Variants in ITPKB observed in about 807,000 individuals in gnomAD.
ITPKB encodes IP3 3-kinase B.
In ITPKB, 13 loss-of-function variants were observed where a neutral mutation model predicts 69.4. The ratio of observed to expected loss-of-function variants is 0.19; its 90% confidence interval spans 0.12 to 0.30. The LOEUF is 0.30. ITPKB is among the 10% of genes least tolerant of loss of function. The pLI, the probability that ITPKB is intolerant of heterozygous loss-of-function variation, is 1.00. For missense variants in ITPKB, 1,240 were observed against 1,250.5 expected (o/e 0.99, Z 0.13); for synonymous variants, 584 against 513.7 (o/e 1.14, Z -1.85).
intron 2 of ITPKB, among the ~76,000 whole-genome samples, chr1:226,718,568 C>G (rs1430281423): frequency 6.6e-6 from 1 of 152,120 alleles, no homozygotes; most frequent in African/African-American, 2.4e-5. Flanking sequence ...CCCCTGCACC[C>G]CAACCCGGGC....
chr1:226,670,286 G>A (rs565892147), intron 2 of ITPKB, among the ~76,000 whole-genome samples: 2 of 148,796 alleles, frequency 1.3e-5, no homozygotes, highest in East Asian at 4.0e-4. Context: ...GCATCCCCAA[G>A]ACACATGACC....
chr1:226,711,529 C>A (rs1454876426), intron 2 of ITPKB, among the ~76,000 whole-genome samples: 1 of 151,794 alleles, frequency 6.6e-6, no homozygotes, highest in Admixed American at 6.6e-5. Flanking sequence ...TGCTCAGTGA[C>A]CTTCAGTGTG....
intron 2 of ITPKB, among the ~76,000 whole-genome samples, chr1:226,669,641 A>T (rs2102765073): frequency 6.6e-6 from 1 of 152,320 alleles, no homozygotes; most frequent in South Asian, 2.1e-4. Context: ...AAAAGCAAAG[A>T]CACCTGCAAA....
rs777464689 is a variant in ITPKB, at chr1:226,736,475, C to T, written c.984G>A (p.Gly328=). The change falls in exon 2 of 8, where the codon GGG becomes GGA. Residue 328 remains glycine (G), a synonymous_variant. Transcript: ENST00000429204. ...GCAGGTCCTCAAGCTCACGGGCTCT[C>T]CCAGACGGCTCAGTGAGGGCAAGAT... ...PQDLALTEPS[G]RARELEDLQP... 44 of 1,613,786 alleles carry T rather than the reference C, an allele frequency of 2.7e-5. No homozygotes were observed. The highest frequency in any genetic ancestry group is 3.6e-5 in the Non-Finnish European group (43 of 1,180,048).
chr1:226,715,215 C>T (rs1657065980), intron 2 of ITPKB, among the ~76,000 whole-genome samples: 1 of 152,232 alleles, frequency 6.6e-6, no homozygotes, highest in South Asian at 2.1e-4. Context: ...TATGCTTGTA[C>T]ATGTATCCCT....
intron 2 of ITPKB, among the ~76,000 whole-genome samples, chr1:226,705,633 C>G (rs899734684): frequency 6.6e-6 from 1 of 152,134 alleles, no homozygotes; most frequent in Non-Finnish European, 1.5e-5. Context: ...TGGGCACATA[C>G]GGGCCTGAAT....
intron 2 of ITPKB, among the ~76,000 whole-genome samples, chr1:226,669,844 CA>C (rs1013264709): frequency 4.7e-5 from 7 of 148,784 alleles, no homozygotes; most frequent in South Asian, 2.1e-4. Context: ...CTATTAGCAA[CA>C]AAAAAAATGT....
At chr1:226,639,361 C>T (rs1381395665) in intron 6 of ITPKB, among the ~76,000 whole-genome samples, 196 bp downstream of exon 6, 1 of 152,178 alleles carries the variant, frequency 6.6e-6, no homozygotes, top group African/African-American at 2.4e-5. Context: ...CCCGGCGTGC[C>T]TTTGACTTTT....
chr1:226,667,855 C>T (rs58938182), intron 2 of ITPKB, among the ~76,000 whole-genome samples: 31,840 of 135,722 alleles, frequency 0.23, 3,455 homozygotes, highest in Middle Eastern at 0.35. Context: ...TGTGTGTGTG[C>T]GCGCGCGCGT....
At chr1:226,669,701 A>G (rs932982758) in intron 2 of ITPKB, among the ~76,000 whole-genome samples, 1 of 152,240 alleles carries the variant, frequency 6.6e-6, no homozygotes, top group African/African-American at 2.4e-5. Context: ...AAAATAAAGT[A>G]TGCTTGAAGG....
intron 2 of ITPKB, among the ~76,000 whole-genome samples, chr1:226,682,636 A>T (rs914457009): frequency 6.6e-6 from 1 of 152,364 alleles, no homozygotes; most frequent in Middle Eastern, 3.4e-3. Flanking sequence ...GATTGTTAAT[A>T]AACAAATTAC....
chr1:226,642,162 T>G lies in ITPKB; in HGVS notation c.2247-37A>C. On this transcript the variant is annotated intron_variant, in intron 4 of 7. Transcript: ENST00000429204. This position sits in a 1 kb window ranked among gnomAD's most constrained non-coding sequence, Gnocchi z 6.4. Reference sequence around the variant, plus strand: ...GGAAGGCGACATGAGGGCCGAGGCCTGGGGCAGGGCTCACCAGCAGCTCCT... The same window carrying G: ...GGAAGGCGACATGAGGGCCGAGGCCGGGGGCAGGGCTCACCAGCAGCTCCT... The G allele has an allele frequency of 1.3e-6, 2 of 1,565,592 alleles. No individual in the cohort carries two copies. The highest frequency in any genetic ancestry group is 2.3e-5 in the South Asian group (2 of 87,926).
chr1:226,657,161 G>C (rs1048628971), intron 2 of ITPKB: 13 of 152,240 alleles, frequency 8.5e-5, no homozygotes, highest in African/African-American at 2.9e-4. Context: ...AACTTGGAAA[G>C]AGTCAGAGCC....
chr1:226,719,846 T>C (rs1657189777), intron 2 of ITPKB, among the ~76,000 whole-genome samples: 1 of 152,198 alleles, frequency 6.6e-6, no homozygotes, highest in Admixed American at 6.5e-5. Flanking sequence ...TGAAACCCTC[T>C]TTCCCGTGGG....
rs1005790739 is a variant in ITPKB at position 226,632,755 on chromosome 1, G to C, written c.*1916C>G. ...CTTAAACAGGTCCCCTGTAATTTTT[G>C]TTCATATCATGATTTGCTTTAGCAA... On this transcript the variant is annotated 3_prime_UTR_variant, in exon 8 of 8. Transcript: ENST00000429204. The C allele has an allele frequency of 6.6e-6, 1 of 152,632 alleles. No individual in the cohort carries two copies. The highest frequency in any genetic ancestry group is 1.5e-5 in the Non-Finnish European group (1 of 68,026). 9.5% of individuals were successfully genotyped at this position (152,632 alleles called of 1,614,324 possible).
At chr1:226,696,678 C>T (rs1283709883) in intron 2 of ITPKB, among the ~76,000 whole-genome samples, 1 of 152,178 alleles carries the variant, frequency 6.6e-6, no homozygotes, top group Non-Finnish European at 1.5e-5. Flanking sequence ...CTAGCACCAG[C>T]AATGAGGAAA....
At chr1:226,660,782 A>G (rs1669388996) in intron 2 of ITPKB, among the ~76,000 whole-genome samples, 1 of 152,206 alleles carries the variant, frequency 6.6e-6, no homozygotes, top group South Asian at 2.1e-4. Context: ...GAAGAGCACG[A>G]GGCGGATGGG....
At chr1:226,660,836 C>A (rs1225945184) in intron 2 of ITPKB, among the ~76,000 whole-genome samples, 3 of 152,232 alleles carry the variant, frequency 2.0e-5, no homozygotes, top group African/African-American at 7.2e-5. Flanking sequence ...GCCCAGAGGA[C>A]AGAAGGGCTC....
Position 226,707,627 on chromosome 1 carries a change from T to G in ITPKB, c.1932+27900A>C, listed in dbSNP as rs903202457. On this transcript the variant is annotated intron_variant, in intron 2 of 7. Coordinates refer to ENST00000429204, the MANE Select transcript of ITPKB (RefSeq NM_002221.4). ...GGGCTCAATGGGGATAAATAGGCAG[T>G]GTACACATGAGTAACTCAAGGCCAT... 5 of 994,180 alleles carry G rather than the reference T, an allele frequency of 5.0e-6. No homozygotes were observed. The African/African-American group carries it at 8.7e-5, about 17-fold the overall frequency. The allele number at this position is 994,180 out of a possible 1,614,324, so 61.6% of individuals were successfully genotyped here. A position where few individuals can be genotyped will look rare whatever the true frequency, so the allele number is the denominator to read the frequency against.
Sources: gnomAD v4.1 joint callset for allele counts (sites outside exome capture counted in the v4.1 genomes callset) on GRCh38, gnomAD v4.1.1 for gene constraint, Gnocchi (gnomAD v3.1) non-coding constraint, MANE v1.5 for transcripts, NCBI Gene and HGNC (gene_info 2026-07-23, HGNC 2026-07-21) for gene names.